The following FBXO8 variants were observed in gnomAD, a reference collection of about 807,000 sequenced individuals.
FBXO8 encodes F-box only protein 8.
FBXO8 carries 15 observed loss-of-function variants against 33.4 expected under a neutral mutation model. That is an observed-to-expected ratio of 0.45 (90% CI 0.30 to 0.69). The LOEUF is 0.69. FBXO8 is among the 30% of genes least tolerant of loss of function. The pLI, the probability that FBXO8 is intolerant of heterozygous loss-of-function variation, is 0.08. For missense variants in FBXO8, 274 were observed against 380.3 expected (o/e 0.72, Z 2.32); for synonymous variants, 132 against 131.5 (o/e 1.00, Z -0.02).
At position 174,261,005 on chromosome 4, in the gene FBXO8, T is replaced by C. The variant is rs989655711; in HGVS notation, c.330-1180A>G. ...TGTCTGAGCATATAACATCAAAAAT[T>C]GTGAGGACAAGGGGGTAAAATATCT... is the stretch of plus-strand genomic sequence containing the variant. On this transcript the variant is annotated intron_variant, in intron 2 of 5. Coordinates refer to ENST00000393674, the MANE Select transcript of FBXO8 (RefSeq NM_012180.3). The surrounding 1 kb of genome is among the most constrained non-coding windows in gnomAD (Gnocchi z 4.1). Among the ~76,000 whole-genome samples the C allele has an allele frequency of 2.0e-5, 3 of 151,956 alleles. No individual in the cohort carries two copies. Among genetic ancestry groups the C allele is most frequent in the African/African-American group, 4.8e-5 (2 of 41,438 alleles).
intron 1 of FBXO8, among the ~76,000 whole-genome samples, chr4:174,268,661 C>T (rs948455584): frequency 1.3e-5 from 2 of 152,134 alleles, no homozygotes; most frequent in Non-Finnish European, 2.9e-5. Flanking sequence ...TGGTCTCCAT[C>T]TCCTGACCTC....
chr4:174,274,982 A>G lies in FBXO8; in HGVS notation c.-9+8428T>C, dbSNP rs138371664. ...CAAAATAAAAAATTTTTGCTCTTTG[A>G]AAGTCTATATTTGGAAGATGAAAGG... On this transcript the variant is annotated intron_variant, in intron 1 of 5. Transcript: ENST00000393674. This position sits in a 1 kb window ranked among gnomAD's most constrained non-coding sequence, Gnocchi z 4.0. Among the ~76,000 whole-genome samples, 801 of 152,316 alleles carry G rather than the reference A, an allele frequency of 5.3e-3. 7 individuals are homozygous for G. The highest frequency in any genetic ancestry group is 0.018 in the African/African-American group (750 of 41,568).
rs944249021 is a variant in FBXO8, at chr4:174,277,135, T to C, written c.-9+6275A>G. Among the ~76,000 whole-genome samples, 6 of 152,140 alleles carry C rather than the reference T, an allele frequency of 3.9e-5. No homozygotes were observed. The East Asian group carries it at 1.2e-3, about 29-fold the overall frequency. ...AAACTATGGATTAACTACAAATAATTACACATTTATTAAAATTTATAAGAA... is the reference window on the plus strand; with the variant it reads ...AAACTATGGATTAACTACAAATAATCACACATTTATTAAAATTTATAAGAA... On this transcript the variant is annotated intron_variant, in intron 1 of 5. Transcript: ENST00000393674. The surrounding 1 kb of genome is among the most constrained non-coding windows in gnomAD (Gnocchi z 4.9).
chr4:174,260,862 CCTG>C (rs1381831564), intron 2 of FBXO8, among the ~76,000 whole-genome samples: 2 of 151,968 alleles, frequency 1.3e-5, no homozygotes, highest in Admixed American at 6.6e-5. Flanking sequence ...TTCAAAAACA[CCTG>C]CTACTTGTTG....
At chr4:174,260,889 T>C (rs1374941292) in intron 2 of FBXO8, among the ~76,000 whole-genome samples, 1 of 152,010 alleles carries the variant, frequency 6.6e-6, no homozygotes, top group Non-Finnish European at 1.5e-5. Flanking sequence ...CAAATGAAAC[T>C]GTTTACTTTC....
intron 2 of FBXO8, among the ~76,000 whole-genome samples, chr4:174,260,961 A>C (rs1033106041): frequency 6.6e-6 from 1 of 151,964 alleles, no homozygotes; most frequent in Non-Finnish European, 1.5e-5. Flanking sequence ...CAAAGTGCAG[A>C]GCAACAAGAA....
Position 174,278,225 on chromosome 4 carries a change from A to G in FBXO8, c.-9+5185T>C, listed in dbSNP as rs183203167. Among the ~76,000 whole-genome samples the G allele has an allele frequency of 6.6e-6, 1 of 152,258 alleles. No homozygotes were observed. Among genetic ancestry groups the G allele is most frequent in the East Asian group, 1.9e-4 (1 of 5,188 alleles). On this transcript the variant is annotated intron_variant, in intron 1 of 5. Transcript: ENST00000393674. The surrounding 1 kb of genome is among the most constrained non-coding windows in gnomAD (Gnocchi z 4.1). ...AAATAGCTAAGTACTAAGAGGTCACAAGGTACATTGAACACATAAAAAGCC... is the reference window on the plus strand; with the variant it reads ...AAATAGCTAAGTACTAAGAGGTCACGAGGTACATTGAACACATAAAAAGCC...
At chr4:174,282,641 G>A (rs555844459) in intron 1 of FBXO8, among the ~76,000 whole-genome samples, 107 of 152,176 alleles carry the variant, frequency 7.0e-4, no homozygotes, top group Non-Finnish European at 1.2e-3. Context: ...GAAGAGGAAA[G>A]CTGAAATAGA....
In FBXO8 at chr4:174,236,710, A is replaced by C. The variant is rs1255690625; in HGVS notation, c.*702T>G. On this transcript the variant is annotated 3_prime_UTR_variant, in exon 6 of 6. Transcript: ENST00000393674. ...TTTATTCCTATGAATGTAAATCATA[A>C]ATTTTGATGTTTTAAAAATCCTAAA... The C allele has an allele frequency of 6.6e-6, 1 of 152,204 alleles. No individual in the cohort carries two copies. Among genetic ancestry groups the C allele is most frequent in the Non-Finnish European group, 1.5e-5 (1 of 68,020 alleles). 9.4% of individuals were successfully genotyped at this position (152,204 alleles called of 1,614,324 possible). A position where few individuals can be genotyped will look rare whatever the true frequency, so the allele number is the denominator to read the frequency against.
chr4:174,279,045 G>T (rs1330306816), intron 1 of FBXO8, among the ~76,000 whole-genome samples: 3 of 151,736 alleles, frequency 2.0e-5, no homozygotes, highest in Non-Finnish European at 4.4e-5. Context: ...AAATTCCATG[G>T]TTCCAAGAGT....
At chr4:174,276,682 G>A (rs1253821057) in intron 1 of FBXO8, among the ~76,000 whole-genome samples, 1 of 152,090 alleles carries the variant, frequency 6.6e-6, no homozygotes, top group East Asian at 1.9e-4. Flanking sequence ...TCCACTTTCA[G>A]TTTTATTATG....
rs1736026072 is a variant in FBXO8, at chr4:174,241,181, T to C, written c.494A>G (p.Asp165Gly). Residue 165 changes from aspartate (D) to glycine (G), a missense_variant, in exon 4 of 6, where the codon GAT becomes GGT. This residue lies in a region of FBXO8 where 186 missense variants were observed against 293.4 expected (regional missense o/e 0.63). Transcript: ENST00000393674. This position sits in a 1 kb window ranked among gnomAD's most constrained non-coding sequence, Gnocchi z 4.2. Reference sequence around the variant, plus strand: ...AAACTTTGCTATTTCCTTTGGCGAATCATCCAGGATACCCTTGGACATAAA... The same window carrying C: ...AAACTTTGCTATTTCCTTTGGCGAACCATCCAGGATACCCTTGGACATAAA... ...NYFMSKGILDDSPKEIAKFIF... is the reference protein window; with the variant it reads ...NYFMSKGILDGSPKEIAKFIF... 2.5e-6 allele frequency: 4 copies of C among 1,609,958 alleles called. No individual in the cohort carries two copies. Among genetic ancestry groups the C allele is most frequent in the Non-Finnish European group, 3.4e-6 (4 of 1,177,296 alleles).
intron 1 of FBXO8, among the ~76,000 whole-genome samples, chr4:174,280,422 T>C (rs1474799276): frequency 1.3e-5 from 2 of 152,116 alleles, no homozygotes; most frequent in African/African-American, 2.4e-5. Flanking sequence ...GGAAACAATA[T>C]GGAGCTTCCT....
chr4:174,258,823 A>G (rs1327181878), intron 3 of FBXO8, among the ~76,000 whole-genome samples: 3 of 152,086 alleles, frequency 2.0e-5, no homozygotes, highest in South Asian at 2.1e-4. Context: ...TAATTATAAC[A>G]AAGTTAAGAT....
chr4:174,259,876 C>A lies in FBXO8; in HGVS notation c.330-51G>T. On this transcript the variant is annotated intron_variant, in intron 2 of 5. Coordinates refer to ENST00000393674, the MANE Select transcript of FBXO8 (RefSeq NM_012180.3). The surrounding 1 kb of genome is among the most constrained non-coding windows in gnomAD (Gnocchi z 4.3). ...AGAAAACATTACTACATTTAATTTCCTAAGTTAAATATGCATATACATGCA... is the reference window on the plus strand; with the variant it reads ...AGAAAACATTACTACATTTAATTTCATAAGTTAAATATGCATATACATGCA... 1 of 1,502,022 alleles carries A rather than the reference C, an allele frequency of 6.7e-7. No homozygotes were observed. The highest frequency in any genetic ancestry group is 8.9e-7 in the Non-Finnish European group (1 of 1,123,720). The allele number at this position is 1,502,022 out of a possible 1,614,324, so 93.0% of individuals were successfully genotyped here. A position where few individuals can be genotyped will look rare whatever the true frequency, so the allele number is the denominator to read the frequency against.
At chr4:174,238,961 G>A (rs751677153) in intron 5 of FBXO8, 33 bp downstream of exon 5, 1 of 1,277,592 alleles carries the variant, frequency 7.8e-7, no homozygotes, top group Non-Finnish European at 1.0e-6. Flanking sequence ...AGATGGGCAG[G>A]GGGTGATGTA....
rs1735969057 is a variant in FBXO8, at chr4:174,239,163, T to C, written c.603A>G (p.Thr201=). The C allele has an allele frequency of 6.3e-7, 1 of 1,588,246 alleles. No homozygotes were observed. Among genetic ancestry groups the C allele is most frequent in the Non-Finnish European group, 8.6e-7 (1 of 1,166,014 alleles). ...AGAACTGATTTCTAAAATTATGCAA[T>C]GTTACAAGGTCATCCAAGACATCTC... The part of the protein sequence containing the change: ...ERRDVLDDLV[T]LHNFRNQFLP... Residue 201 remains threonine, a synonymous_variant, in exon 5 of 6, where the codon ACA becomes ACG. Transcript: ENST00000393674.
rs1450764042 is a variant in FBXO8, at chr4:174,272,791, A to C, written c.-8-9691T>G. The stretch of plus-strand genomic sequence containing the variant: ...CATATCAGTCATTAATTACAAGAAA[A>C]AATTAAGAAATAAGACAAAACCTTA... On this transcript the variant is annotated intron_variant, in intron 1 of 5. Transcript: ENST00000393674. This position sits in a 1 kb window ranked among gnomAD's most constrained non-coding sequence, Gnocchi z 4.7. 1.3e-5 allele frequency among the ~76,000 whole-genome samples: 2 copies of C among 152,206 alleles called. No individual in the cohort carries two copies.
intron 3 of FBXO8, among the ~76,000 whole-genome samples, chr4:174,258,102 A>ATTT (rs1736458862): frequency 6.6e-6 from 1 of 152,126 alleles, no homozygotes; most frequent in Non-Finnish European, 1.5e-5. Context: ...TTTAAGTCTA[A>ATTT]ATAAAGAATT....
Sources: gnomAD v4.1 joint callset for allele counts (sites outside exome capture counted in the v4.1 genomes callset) on GRCh38, gnomAD v4.1.1 for gene constraint, gnomAD v4.1.1 regional missense constraint, Gnocchi (gnomAD v3.1) non-coding constraint, MANE v1.5 for transcripts, NCBI Gene and HGNC (gene_info 2026-07-23, HGNC 2026-07-21) for gene names.